Variants in STAMBP observed in about 807,000 individuals in gnomAD.
STAMBP encodes STAM binding protein.
A neutral mutation model predicts 50.7 loss-of-function variants in STAMBP; 31 were observed. That is an observed-to-expected ratio of 0.61 (90% CI 0.46 to 0.83). STAMBP has a LOEUF of 0.83. Ranked by LOEUF, STAMBP falls within the 40% of genes least tolerant of loss-of-function variation. The pLI is 0.00. For synonymous variants in STAMBP, 211 were observed against 192.4 expected (o/e 1.10, Z -0.80); for missense variants, 472 against 518.9 (o/e 0.91, Z 0.88).
At position 73,847,602 on chromosome 2, in the gene STAMBP, G is replaced by T; in HGVS notation, c.591G>T (p.Val197=). ...ACCCTGGCCTAGGTGGCCCGCTAGT[G>T]CCTGACTTGGAGAAGCCCTCCTTAG... ...KVDPGLGGPL[V]PDLEKPSLDV... The change falls in exon 5 of 10, where the codon GTG becomes GTT. Residue 197 remains valine (V), a synonymous_variant. Transcript: ENST00000394070. The T allele has an allele frequency of 6.2e-7, 1 of 1,614,180 alleles. No individual in the cohort carries two copies. Among genetic ancestry groups the T allele is most frequent in the Non-Finnish European group, 8.5e-7 (1 of 1,180,020 alleles).
chr2:73,835,109 C>T (rs187976930), intron 2 of STAMBP, among the ~76,000 whole-genome samples: 40 of 152,286 alleles, frequency 2.6e-4, no homozygotes, highest in Non-Finnish European at 1.5e-5. Flanking sequence ...CACAGTGGCT[C>T]ACGCCTGTGA....
rs1678582602 is a variant in STAMBP, at chr2:73,863,558, C to G, written c.*1299C>G. ...ACTTGTCCCCTGAAAGAGCCCAGTT[C>G]TCTATATTCTTTTTCTTCTCTTGGG... On this transcript the variant is annotated 3_prime_UTR_variant, in exon 10 of 10. Transcript: ENST00000394070. 1 of 152,138 alleles carries G rather than the reference C, an allele frequency of 6.6e-6. No individual in the cohort carries two copies. Among genetic ancestry groups the G allele is most frequent in the Non-Finnish European group, 1.5e-5 (1 of 68,038 alleles). The allele number at this position is 152,138 out of a possible 1,614,324, so 9.4% of individuals were successfully genotyped here.
intron 9 of STAMBP, 147 bp from the exon 10 acceptor site, chr2:73,862,055 TG>T (rs1678392161): frequency 1.1e-5 from 5 of 457,442 alleles, no homozygotes; most frequent in Non-Finnish European, 1.9e-5. Flanking sequence ...AAGAATCGCT[TG>T]AACCCAGGAG....
At chr2:73,838,452 G>C (rs967137769) in intron 2 of STAMBP, among the ~76,000 whole-genome samples, 3 of 152,146 alleles carry the variant, frequency 2.0e-5, no homozygotes, top group Admixed American at 1.3e-4. Context: ...GACAAGGAGC[G>C]TGTGAACATG....
chr2:73,871,907 A>G (rs1228314686), downstream of STAMBP, among the ~76,000 whole-genome samples: 1 of 151,994 alleles, frequency 6.6e-6, no homozygotes, highest in Non-Finnish European at 1.5e-5. Context: ...AGCTGGGATT[A>G]CAGGCGCACA....
intron 2 of STAMBP, among the ~76,000 whole-genome samples, chr2:73,843,406 G>GTATGTATA (rs1553380270): frequency 1.7e-3 from 225 of 129,936 alleles, no homozygotes; most frequent in African/African-American, 7.1e-3. Context: ...GTTTGTGTAT[G>GTATGTATA]TATATATATA....
chr2:73,850,428 G>A lies in STAMBP; in HGVS notation c.920G>A (p.Gly307Glu). 1.2e-6 allele frequency: 2 copies of A among 1,613,788 alleles called. No individual in the cohort carries two copies. The highest frequency in any genetic ancestry group is 2.7e-5 in the African/African-American group (2 of 75,016). The change falls in exon 7 of 10, where the codon GGG (glycine) becomes GAG (glutamate). Residue 307 changes from glycine to glutamate, a missense_variant. Physicochemically the swap from Gly to Glu is moderately conservative, Grantham distance 98. Transcript: ENST00000394070. This position sits in a 1 kb window ranked among gnomAD's most constrained non-coding sequence, Gnocchi z 4.3. ...GTTCTCATCCCCAAGCAAAGTGCTG[G>A]GTCTGATTACTGCAACACAGAGAAC... ...THVLIPKQSA[G>E]SDYCNTENEE... is the part of the protein sequence containing the mutation.
In STAMBP at chr2:73,831,044, A is replaced by C; in HGVS notation, c.188A>C (p.Tyr63Ser). 1 of 1,614,102 alleles carries C rather than the reference A, an allele frequency of 6.2e-7. No homozygotes were observed. The highest frequency in any genetic ancestry group is 1.1e-5 in the South Asian group (1 of 91,082). The change falls in exon 2 of 10, where the codon TAT becomes TCT. Residue 63 changes from tyrosine (Y) to serine (S), a missense_variant. Coordinates refer to ENST00000394070, the MANE Select transcript of STAMBP (RefSeq NM_213622.4). ...AACATTGAACATGCCTTCATCCTCT[A>C]TAACAAGTATATCACGTAAGACACC... ...EGNIEHAFIL[Y>S]NKYITLFIEK...
chr2:73,858,159 ATTTTTTTTTTT>A (rs35630978), intron 7 of STAMBP, among the ~76,000 whole-genome samples: 3 of 68,346 alleles, frequency 4.4e-5, no homozygotes, highest in African/African-American at 6.0e-5. Flanking sequence ...ATTGTTTTGT[ATTTTTTTTTTT>A]TTTTTTTTTT....
In STAMBP at chr2:73,850,556, C is replaced by G. The variant is rs1676686660; in HGVS notation, c.1005+43C>G. 3 of 1,582,324 alleles carry G rather than the reference C, an allele frequency of 1.9e-6. No homozygotes were observed. The highest frequency in any genetic ancestry group is 4.5e-5 in the East Asian group (2 of 44,088). On this transcript the variant is annotated intron_variant, in intron 7 of 9. Coordinates refer to ENST00000394070, the MANE Select transcript of STAMBP (RefSeq NM_213622.4). This position sits in a 1 kb window ranked among gnomAD's most constrained non-coding sequence, Gnocchi z 4.3. ...GTCCGAGAGTTAGTCTCTGCCTCTCCCATGGTGGTATAAATACATGAGTGT... is the reference window on the plus strand; with the variant it reads ...GTCCGAGAGTTAGTCTCTGCCTCTCGCATGGTGGTATAAATACATGAGTGT...
chr2:73,848,626 G>A (rs1008818668), intron 5 of STAMBP, among the ~76,000 whole-genome samples: 1 of 152,180 alleles, frequency 6.6e-6, no homozygotes, highest in Admixed American at 6.5e-5. Context: ...AGACCCAGGG[G>A]CCTGGCAAAG....
intron 1 of STAMBP, 150 bp downstream of exon 1, chr2:73,829,660 C>T (rs1180070676): frequency 6.6e-6 from 1 of 152,192 alleles, no homozygotes; most frequent in East Asian, 1.9e-4. Flanking sequence ...CTCTGCATCC[C>T]TAGTAGTCCT....
At position 73,850,542 on chromosome 2, in the gene STAMBP, A is replaced by C; in HGVS notation, c.1005+29A>C. 6.3e-7 allele frequency: 1 copy of C among 1,598,340 alleles called. No individual in the cohort carries two copies. Among genetic ancestry groups the C allele is most frequent in the Non-Finnish European group, 8.5e-7 (1 of 1,172,250 alleles). ...AGCAATTCTGAGCTGTCCGAGAGTT[A>C]GTCTCTGCCTCTCCCATGGTGGTAT... is the stretch of plus-strand genomic sequence containing the variant. On this transcript the variant is annotated intron_variant, in intron 7 of 9. Transcript: ENST00000394070. The surrounding 1 kb of genome is among the most constrained non-coding windows in gnomAD (Gnocchi z 4.3).
chr2:73,871,103 G>A (rs1248036141), downstream of STAMBP, among the ~76,000 whole-genome samples: 2 of 152,048 alleles, frequency 1.3e-5, no homozygotes, highest in Admixed American at 1.3e-4. Flanking sequence ...TTGAACCATA[G>A]TAAATGCAGG....
chr2:73,846,467 CA>C (rs927612111), intron 4 of STAMBP, among the ~76,000 whole-genome samples: 7 of 151,102 alleles, frequency 4.6e-5, no homozygotes, highest in African/African-American at 1.7e-4. Context: ...TGGGTCTCTA[CA>C]AAAAATACAA....
chr2:73,841,951 GTT>G (rs915841535), intron 2 of STAMBP, among the ~76,000 whole-genome samples: 2 of 151,978 alleles, frequency 1.3e-5, no homozygotes, highest in Admixed American at 6.6e-5. Flanking sequence ...GGTCTGGGAG[GTT>G]TTTTTTGTTT....
Position 73,847,433 on chromosome 2 carries a change from A to G in STAMBP, c.422A>G (p.Glu141Gly). The G allele has an allele frequency of 1.9e-6, 3 of 1,613,448 alleles. No individual in the cohort carries two copies. Among genetic ancestry groups the G allele is most frequent in the South Asian group, 1.1e-5 (1 of 91,048 alleles). ...GCCCGGAACATGGCCATCCAGCAAG[A>G]GCTGGAAAAGGAAAAACAGAGGGTA... Reference protein sequence around the residue: ...ELARNMAIQQELEKEKQRVAQ... With the variant: ...ELARNMAIQQGLEKEKQRVAQ... Residue 141 changes from glutamate to glycine, a missense_variant, in exon 5 of 10, where the codon GAG (glutamate) becomes GGG (glycine). By Grantham distance (98) the Glu-to-Gly change is moderately conservative. Coordinates refer to ENST00000394070, the MANE Select transcript of STAMBP (RefSeq NM_213622.4).
intron 4 of STAMBP, among the ~76,000 whole-genome samples, 179 bp from the exon 5 acceptor site, chr2:73,847,208 A>G (rs1676215461): frequency 6.6e-6 from 1 of 152,158 alleles, no homozygotes. Context: ...CCAGATAGAA[A>G]GGGGTGGTGA....
At chr2:73,869,969 A>G (rs1009556369), downstream of STAMBP, among the ~76,000 whole-genome samples, 1 of 152,170 alleles carries the variant, frequency 6.6e-6, no homozygotes, top group Non-Finnish European at 1.5e-5. Context: ...ATTCAGAAAA[A>G]CTATGAATAA....
Sources: allele counts gnomAD v4.1 joint callset (sites outside exome capture counted in the v4.1 genomes callset), GRCh38; gene constraint gnomAD v4.1.1; non-coding constraint Gnocchi (gnomAD v3.1); transcripts MANE v1.5; gene names NCBI Gene and HGNC (gene_info 2026-07-23, HGNC 2026-07-21).